The following CA6 variants were observed in gnomAD, a reference collection of about 807,000 sequenced individuals.
CA6 encodes the protein carbonic anhydrase 6, also known as carbonate dehydratase VI.
Under a neutral mutation model 35.9 loss-of-function variants are expected in CA6, and 28 were observed. The ratio of observed to expected loss-of-function variants is 0.78; its 90% CI spans 0.58 to 1.07. The LOEUF (loss-of-function observed/expected upper bound fraction) is 1.07, where lower values mean the gene tolerates loss of function less well. Among genes scored for constraint, CA6 ranks in the 50% least tolerant of loss-of-function variants. CA6 has a pLI of 0.00. For missense variants in CA6, 377 were observed against 382.0 expected (o/e 0.99, Z 0.11); for synonymous variants, 148 against 152.6 (o/e 0.97, Z 0.22).
chr1:8,958,689 C>T (rs1025203104), intron 3 of CA6, among the ~76,000 whole-genome samples: 4 of 152,182 alleles, frequency 2.6e-5, no homozygotes, highest in Admixed American at 2.0e-4. Flanking sequence ...CTGCCATCTT[C>T]CAGAATCCCA....
chr1:8,957,717 G>A (rs1256912002), intron 3 of CA6, among the ~76,000 whole-genome samples: 2 of 151,158 alleles, frequency 1.3e-5, no homozygotes, highest in Non-Finnish European at 2.9e-5. Context: ...GGGAGGCCAA[G>A]GCAGGGGAAT....
intron 1 of CA6, among the ~76,000 whole-genome samples, chr1:8,947,875 A>C (rs1639408541): frequency 2.2e-5 from 3 of 136,276 alleles, no homozygotes; most frequent in African/African-American, 3.1e-5. Context: ...TGAGAGTTTC[A>C]CTCTCGTTGC....
At position 8,967,602 on chromosome 1, in the gene CA6, C is replaced by G. The variant is rs548293484; in HGVS notation, c.572-57C>G. ...TGGCGAGGCCTGGGCCTGAGCTGTC[C>G]TCCCGAGGGGCAGCGCTGGTCCCTG... is the stretch of plus-strand genomic sequence containing the variant. On this transcript the variant is annotated intron_variant, in intron 5 of 7. Transcript: ENST00000377443. The G allele has an allele frequency of 7.3e-6, 11 of 1,514,752 alleles. 1 individual carries two copies. The South Asian group carries it at 1.3e-4, about 18-fold the overall frequency. 93.8% of individuals were successfully genotyped at this position (1,514,752 alleles called of 1,614,324 possible).
intron 5 of CA6, 140 bp downstream of exon 5, chr1:8,962,796 G>A (rs1298592247): frequency 5.6e-6 from 4 of 712,050 alleles, no homozygotes; most frequent in African/African-American, 1.8e-5. Flanking sequence ...ATCCCTCCCT[G>A]TGCCAGGTTA....
At chr1:8,952,622 A>T (rs1189310577) in intron 2 of CA6, 1 of 152,126 alleles carries the variant, frequency 6.6e-6, no homozygotes, top group African/African-American at 2.4e-5. Context: ...AGTAAAGTTG[A>T]CATGACGTAT....
intron 2 of CA6, among the ~76,000 whole-genome samples, chr1:8,950,280 G>A (rs190062122): frequency 6.6e-6 from 1 of 152,128 alleles, no homozygotes; most frequent in Non-Finnish European, 1.5e-5. Flanking sequence ...CACCATGCCC[G>A]GCCTGGAAAC....
intron 2 of CA6, 104 bp downstream of exon 2, chr1:8,949,546 C>T: frequency 9.8e-7 from 1 of 1,023,146 alleles, no homozygotes; most frequent in Non-Finnish European, 1.5e-6. Context: ...AGACACAGAG[C>T]ACGGCCTCAG....
intron 6 of CA6, among the ~76,000 whole-genome samples, chr1:8,968,474 T>C (rs1640027898): frequency 6.6e-6 from 1 of 150,794 alleles, no homozygotes; most frequent in African/African-American, 2.4e-5. Flanking sequence ...ATTAGCTCAA[T>C]TAAGAAAAAA....
At chr1:8,971,008 C>T in intron 7 of CA6, 27 bp downstream of exon 7, 3 of 1,443,544 alleles carry the variant, frequency 2.1e-6, no homozygotes, top group Non-Finnish European at 2.0e-6. Context: ...CTTGATCATG[C>T]TCTGCAGTTT....
chr1:8,953,535 C>T (rs1639594995), intron 2 of CA6, among the ~76,000 whole-genome samples: 1 of 152,162 alleles, frequency 6.6e-6, no homozygotes, highest in African/African-American at 2.4e-5. Flanking sequence ...GCGAGGCTCA[C>T]TTGAGCAGCT....
chr1:8,956,096 G>T (rs1455306491), intron 2 of CA6, among the ~76,000 whole-genome samples: 1 of 151,932 alleles, frequency 6.6e-6, no homozygotes, highest in Non-Finnish European at 1.5e-5. Flanking sequence ...GGTGGCATAT[G>T]CCTGTAATCC....
Position 8,958,897 on chromosome 1 carries a change from C to A in CA6, c.409-13C>A. 1 of 1,489,228 alleles carries A rather than the reference C, an allele frequency of 6.7e-7. No homozygotes were observed. Among genetic ancestry groups the A allele is most frequent in the Non-Finnish European group, 9.4e-7 (1 of 1,068,504 alleles). The allele number at this position is 1,489,228 out of a possible 1,614,324, so 92.3% of individuals were successfully genotyped here. On this transcript the variant is annotated splice_polypyrimidine_tract_variant and intron_variant, in intron 3 of 7. Coordinates refer to ENST00000377443, the MANE Select transcript of CA6 (RefSeq NM_001215.4). Reference sequence around the variant, plus strand: ...ATGAACTGCCCTTGACCCACTCTACCTTGCTCTTACAGATTCACATTGTTC... The same window carrying A: ...ATGAACTGCCCTTGACCCACTCTACATTGCTCTTACAGATTCACATTGTTC...
chr1:8,959,259 G>A (rs553960052), intron 4 of CA6, among the ~76,000 whole-genome samples: 4 of 151,900 alleles, frequency 2.6e-5, no homozygotes, highest in East Asian at 3.9e-4. Context: ...CAAATTGTTC[G>A]AAGGGCAAGG....
At chr1:8,957,785 C>CAAAAAAAAAAAAAAAA (rs869085886) in intron 3 of CA6, among the ~76,000 whole-genome samples, 1 of 79,318 alleles carries the variant, frequency 1.3e-5, no homozygotes. Flanking sequence ...CTTGTGTCTA[C>CAAAAAAAAAAAAAAAA]AAAAAAAAAA....
chr1:8,968,092 C>T (rs950342726), intron 6 of CA6, among the ~76,000 whole-genome samples: 10 of 151,630 alleles, frequency 6.6e-5, no homozygotes, highest in East Asian at 5.8e-4. Flanking sequence ...CTCAGCCTCC[C>T]GAGTAGCTGG....
At chr1:8,946,041 T>A in intron 1 of CA6, 76 bp downstream of exon 1, 1 of 855,860 alleles carries the variant, frequency 1.2e-6, no homozygotes, top group Non-Finnish European at 1.8e-6. Flanking sequence ...TTCTTCTTCT[T>A]CTTTTTTTTT....
chr1:8,974,277 A>G, intron 7 of CA6: 1 of 1,090,526 alleles, frequency 9.2e-7, no homozygotes, highest in South Asian at 1.8e-5. Context: ...GGTCAGTTAC[A>G]AAAACAAGAC....
intron 1 of CA6, among the ~76,000 whole-genome samples, chr1:8,947,277 G>C (rs560344420): frequency 6.6e-6 from 1 of 152,028 alleles, no homozygotes; most frequent in Admixed American, 6.6e-5. Context: ...TTCCATACGG[G>C]ACCATGGATT....
chr1:8,945,894 C>G lies in CA6; in HGVS notation c.8C>G (p.Ala3Gly), dbSNP rs745786139. ...TTACAGATGTGCAGCACCATGAGGG[C>G]CCTGGTGCTTCTGCTGTCCCTGTTC... MR[A>G]LVLLLSLFLL... Residue 3 changes from alanine (A) to glycine (G), a missense_variant, in exon 1 of 8, where the codon GCC becomes GGC. Ala to Gly is a moderately conservative substitution (Grantham distance 60, BLOSUM62 0). Transcript: ENST00000377443. The G allele has an allele frequency of 1.9e-6, 3 of 1,609,280 alleles. No homozygotes were observed. The highest frequency in any genetic ancestry group is 2.6e-6 in the Non-Finnish European group (3 of 1,175,686).
Sources: gnomAD v4.1 joint callset for allele counts (sites outside exome capture counted in the v4.1 genomes callset) on GRCh38, gnomAD v4.1.1 for gene constraint, MANE v1.5 for transcripts, NCBI Gene and HGNC (gene_info 2026-07-23, HGNC 2026-07-21) for gene names.